ZNF831: variants seen among roughly 807,000 people sequenced by gnomAD.
ZNF831 encodes the protein chromosome 20 open reading frame 174.
ZNF831 carries 59 observed loss-of-function variants against 95.8 expected under a neutral mutation model. The observed-to-expected ratio is 0.62, with a 90% confidence interval of 0.50 to 0.77. The LOEUF is 0.77. Ranked by LOEUF, ZNF831 falls within the 30% of genes least tolerant of loss-of-function variation. The pLI, the probability that ZNF831 is intolerant of heterozygous loss-of-function variation, is 0.00. For missense variants in ZNF831, 2,205 were observed against 2,164.0 expected (o/e 1.02, Z -0.38); for synonymous variants, 961 against 925.5 (o/e 1.04, Z -0.70).
Position 59,217,018 on chromosome 20 carries a change from A to G in ZNF831, c.4027+9962A>G, listed in dbSNP as rs8120791. On this transcript the variant is annotated intron_variant, in intron 4 of 5. Coordinates refer to ENST00000371030, the MANE Select transcript of ZNF831 (RefSeq NM_178457.3). This position sits in a 1 kb window ranked among gnomAD's most constrained non-coding sequence, Gnocchi z 4.4. ...AAAAGTTAATTATTAGTTTTTAATT[A>G]CACGTGTAATCATGAATAATACTTA... 0.034 allele frequency among the ~76,000 whole-genome samples: 5,230 copies of G among 152,276 alleles called. 328 individuals are homozygous for G. Among genetic ancestry groups the G allele is most frequent in the African/African-American group, 0.12 (4,992 of 41,528 alleles).
At chr20:59,162,776 G>C (rs1980952527), upstream of ZNF831, among the ~76,000 whole-genome samples, 1 of 152,086 alleles carries the variant, frequency 6.6e-6, no homozygotes, top group African/African-American at 2.4e-5. Flanking sequence ...GGCTATTCGG[G>C]CTCCTTTTTG....
rs1988229820 is a variant in ZNF831, at chr20:59,257,276, C to T, written c.*2533C>T. 6.6e-6 allele frequency: 1 copy of T among 152,214 alleles called. No homozygotes were observed. The highest frequency in any genetic ancestry group is 1.5e-5 in the Non-Finnish European group (1 of 68,036). The allele number at this position is 152,214 out of a possible 1,614,324, so 9.4% of individuals were successfully genotyped here. On this transcript the variant is annotated 3_prime_UTR_variant, in exon 6 of 6. Coordinates refer to ENST00000371030, the MANE Select transcript of ZNF831 (RefSeq NM_178457.3). Reference sequence around the variant, plus strand: ...TTTGCCTAGTGGCTGGCAATGTTTACAAGTGTACCTTACTTTATATCAACA... The same window carrying T: ...TTTGCCTAGTGGCTGGCAATGTTTATAAGTGTACCTTACTTTATATCAACA...
intron 1 of ZNF831, among the ~76,000 whole-genome samples, chr20:59,176,132 T>C (rs1021731999): frequency 1.3e-5 from 2 of 152,166 alleles, no homozygotes; most frequent in Non-Finnish European, 2.9e-5. Flanking sequence ...AAACAGGACT[T>C]GGCAAGGAAA....
At position 59,196,304 on chromosome 20, in the gene ZNF831, G is replaced by T. The variant is rs576047488; in HGVS notation, c.3875+299G>T. 9.2e-5 allele frequency among the ~76,000 whole-genome samples: 14 copies of T among 152,274 alleles called. No individual in the cohort carries two copies. In the South Asian group the frequency reaches 2.1e-3, roughly 23 times the overall value. On this transcript the variant is annotated intron_variant, in intron 3 of 5. Transcript: ENST00000371030. Reference sequence around the variant, plus strand: ...CTGTTAATTATTTACAGCTTTTATTGTGTTTTTAATTATGCAAGCAATGAA... The same window carrying T: ...CTGTTAATTATTTACAGCTTTTATTTTGTTTTTAATTATGCAAGCAATGAA...
chr20:59,173,826 G>T (rs1161009165), intron 1 of ZNF831, among the ~76,000 whole-genome samples: 1 of 152,094 alleles, frequency 6.6e-6, no homozygotes, highest in Non-Finnish European at 1.5e-5. Context: ...GGGGAAACTT[G>T]GCGTAGGAAT....
chr20:59,207,527 C>T (rs1195572251), intron 4 of ZNF831, among the ~76,000 whole-genome samples: 1 of 152,204 alleles, frequency 6.6e-6, no homozygotes. Flanking sequence ...ACATTGCTTA[C>T]ATGTGAAGTG....
At chr20:59,130,347 T>A (rs775489149) in intron 1 of ZNF831, among the ~76,000 whole-genome samples, 1 of 152,130 alleles carries the variant, frequency 6.6e-6, no homozygotes, top group Non-Finnish European at 1.5e-5. Context: ...GTCGTAGCCA[T>A]TGGAAGGTGT....
At chr20:59,202,324 C>CTTT (rs546706863) in intron 3 of ZNF831, among the ~76,000 whole-genome samples, 16 of 117,926 alleles carry the variant, frequency 1.4e-4, no homozygotes, top group African/African-American at 4.0e-4. Flanking sequence ...TATTTTCAAC[C>CTTT]TTTTTTTTTT....
intron 1 of ZNF831, among the ~76,000 whole-genome samples, chr20:59,183,712 T>G (rs970811809): frequency 6.6e-6 from 1 of 152,236 alleles, no homozygotes; most frequent in African/African-American, 2.4e-5. Context: ...CTGTTTTGAT[T>G]TAAAACAATT....
Position 59,208,742 on chromosome 20 carries a change from T to A in ZNF831, c.4027+1686T>A, listed in dbSNP as rs1333688871. On this transcript the variant is annotated intron_variant, in intron 4 of 5. Transcript: ENST00000371030. This position sits in a 1 kb window ranked among gnomAD's most constrained non-coding sequence, Gnocchi z 4.2. Reference sequence around the variant, plus strand: ...GCCCCCATCAGCTCCAGTTCTTGAATTTTCCTTTATGGGGTAGAGCTTGGA... The same window carrying A: ...GCCCCCATCAGCTCCAGTTCTTGAAATTTCCTTTATGGGGTAGAGCTTGGA... 1.3e-5 allele frequency among the ~76,000 whole-genome samples: 2 copies of A among 152,092 alleles called. No homozygotes were observed. The highest frequency in any genetic ancestry group is 2.9e-5 in the Non-Finnish European group (2 of 67,992).
At chr20:59,206,884 G>T (rs781228160) in intron 3 of ZNF831, 21 bp from the exon 4 acceptor site, 1 of 1,609,156 alleles carries the variant, frequency 6.2e-7, no homozygotes, top group Non-Finnish European at 8.5e-7. Flanking sequence ...GTTACTGCAA[G>T]CATGCTTCTC....
At position 59,194,121 on chromosome 20, in the gene ZNF831, G is replaced by A. The variant is rs1983870102; in HGVS notation, c.3102G>A (p.Arg1034=). Residue 1034 remains arginine (R), a synonymous_variant, in exon 2 of 6, where the codon AGG becomes AGA. Transcript: ENST00000371030. The stretch of plus-strand genomic sequence containing the variant: ...AGGGGGACAGGATGGCCACTAGCAG[G>A]CCAGCAGCCAGGGAGTTGCCCATCT... The part of the protein sequence containing the change: ...GDKGDRMATS[R]PAARELPISA... 3 of 1,559,158 alleles carry A rather than the reference G, an allele frequency of 1.9e-6. No homozygotes were observed. The highest frequency in any genetic ancestry group is 2.6e-6 in the Non-Finnish European group (3 of 1,151,906).
intron 1 of ZNF831, among the ~76,000 whole-genome samples, chr20:59,172,267 G>T (rs1981808378): frequency 6.6e-6 from 1 of 152,108 alleles, no homozygotes; most frequent in Non-Finnish European, 1.5e-5. Flanking sequence ...AAAGAATTCG[G>T]ATTCCTGCCA....
intron 1 of ZNF831, among the ~76,000 whole-genome samples, chr20:59,128,850 C>T (rs1407107500): frequency 6.6e-6 from 1 of 152,236 alleles, no homozygotes; most frequent in Non-Finnish European, 1.5e-5. Flanking sequence ...CAACCTCCAC[C>T]TCCCGGGTTC....
intron 4 of ZNF831, among the ~76,000 whole-genome samples, chr20:59,218,074 C>T (rs1985814991): frequency 6.6e-6 from 1 of 152,218 alleles, no homozygotes; most frequent in South Asian, 2.1e-4. Context: ...AAGCCCTGGC[C>T]TCCCAGGAGC....
At chr20:59,178,518 T>C (rs1601340098) in intron 1 of ZNF831, among the ~76,000 whole-genome samples, 2 of 152,226 alleles carry the variant, frequency 1.3e-5, no homozygotes, top group Admixed American at 6.5e-5. Context: ...CCAGGTAGTA[T>C]ACAGGGCCCT....
rs375493107 is a variant in ZNF831, at chr20:59,147,860, G to T, written c.-1281+1486G>T. On this transcript the variant is annotated intron_variant, in intron 2 of 7. Transcript: ENST00000637017. ...GGCGAGGCTGTAAATCTGAAGAGCA[G>T]CTGAAATGCAGGCATGATTGTACGC... Among the ~76,000 whole-genome samples the T allele has an allele frequency of 3.9e-5, 6 of 152,256 alleles. No individual in the cohort carries two copies. In the East Asian group the frequency reaches 1.2e-3, roughly 29 times the overall value.
At chr20:59,204,749 G>A (rs986106575) in intron 3 of ZNF831, among the ~76,000 whole-genome samples, 10 of 152,144 alleles carry the variant, frequency 6.6e-5, no homozygotes, top group Admixed American at 4.6e-4. Context: ...GCAGCCTGAC[G>A]AAAGTGTCCT....
intron 1 of ZNF831, among the ~76,000 whole-genome samples, chr20:59,137,539 CT>C (rs1196102106): frequency 7.2e-5 from 11 of 152,176 alleles, no homozygotes; most frequent in African/African-American, 2.4e-4. Flanking sequence ...CTCTCTGCCC[CT>C]GGAAGAGTTT....
Sources: allele counts gnomAD v4.1 joint callset (sites outside exome capture counted in the v4.1 genomes callset), GRCh38; gene constraint gnomAD v4.1.1; non-coding constraint Gnocchi (gnomAD v3.1); transcripts MANE v1.5; gene names NCBI Gene and HGNC (gene_info 2026-07-23, HGNC 2026-07-21).